HSD17B3: variants seen among roughly 807,000 people sequenced by gnomAD.
HSD17B3 encodes 17-beta-hydroxysteroid dehydrogenase type 3.
Under a neutral mutation model 41.1 loss-of-function variants are expected in HSD17B3, and 29 were observed. That is an observed-to-expected ratio of 0.71 (90% CI 0.53 to 0.96). The LOEUF is 0.96. Among genes scored for constraint, HSD17B3 ranks in the 40% least tolerant of loss-of-function variants. HSD17B3 has a pLI of 0.00. For missense variants in HSD17B3, 323 were observed against 374.6 expected (o/e 0.86, Z 1.14); for synonymous variants, 126 against 145.6 (o/e 0.87, Z 0.97).
chr9:96,295,120 C>A (rs1024489941), intron 2 of HSD17B3, among the ~76,000 whole-genome samples: 3 of 150,374 alleles, frequency 2.0e-5, no homozygotes, highest in Non-Finnish European at 4.4e-5. Flanking sequence ...GATTCTCCTG[C>A]CTCAGCCTCC....
intron 9 of HSD17B3, among the ~76,000 whole-genome samples, 198 bp downstream of exon 9, chr9:96,244,131 A>G (rs987730825): frequency 2.0e-5 from 3 of 152,214 alleles, no homozygotes; most frequent in Non-Finnish European, 4.4e-5. Flanking sequence ...CAGAAGCCAC[A>G]GCAGCAGGTG....
intron 2 of HSD17B3, among the ~76,000 whole-genome samples, chr9:96,280,879 G>A (rs762669281): frequency 6.6e-6 from 1 of 152,108 alleles, no homozygotes. Flanking sequence ...TCCCACCAGC[G>A]CCGTGACAGT....
intron 1 of HSD17B3, among the ~76,000 whole-genome samples, chr9:96,300,755 C>A (rs893696375): frequency 4.6e-5 from 7 of 152,122 alleles, no homozygotes; most frequent in Non-Finnish European, 7.3e-5. Context: ...TGAAGTTCTG[C>A]ATGGGCGTTC....
chr9:96,300,607 TTGTG>T (rs10545828), intron 1 of HSD17B3, among the ~76,000 whole-genome samples: 6,750 of 109,746 alleles, frequency 0.062, 1,074 homozygotes, highest in African/African-American at 0.19. Context: ...ATTGGATTCT[TTGTG>T]TGTGTGTGTG....
intron 5 of HSD17B3, chr9:96,249,987 T>A: frequency 1.4e-6 from 2 of 1,478,552 alleles, no homozygotes; most frequent in Non-Finnish European, 1.8e-6. Flanking sequence ...ATTCTGTCAT[T>A]CTGTACCCAC....
At chr9:96,243,504 T>C (rs1467142351) in intron 9 of HSD17B3, among the ~76,000 whole-genome samples, 2 of 152,230 alleles carry the variant, frequency 1.3e-5, no homozygotes, top group Admixed American at 1.3e-4. Flanking sequence ...GATATTTTAA[T>C]TGAAAATCAG....
At chr9:96,288,999 C>T (rs1379581826) in intron 2 of HSD17B3, among the ~76,000 whole-genome samples, 1 of 151,546 alleles carries the variant, frequency 6.6e-6, no homozygotes, top group African/African-American at 2.4e-5. Flanking sequence ...GTCCCAGCTG[C>T]TCAGGAGGCT....
intron 1 of HSD17B3, among the ~76,000 whole-genome samples, chr9:96,299,144 G>A (rs985239747): frequency 6.6e-6 from 1 of 152,066 alleles, no homozygotes; most frequent in Non-Finnish European, 1.5e-5. Context: ...TCTAGTATAC[G>A]CTTCATTCGT....
intron 10 of HSD17B3, among the ~76,000 whole-genome samples, chr9:96,240,172 T>C (rs555859884): frequency 6.6e-6 from 1 of 152,162 alleles, no homozygotes; most frequent in Non-Finnish European, 1.5e-5. Flanking sequence ...CAAACCACCA[T>C]GGCACATGTA....
At chr9:96,284,042 AC>A (rs1026367972) in intron 2 of HSD17B3, among the ~76,000 whole-genome samples, 2 of 151,738 alleles carry the variant, frequency 1.3e-5, no homozygotes, top group African/African-American at 4.8e-5. Context: ...ATATGGTGAA[AC>A]CCCATCTCTA....
At chr9:96,278,955 A>G (rs181982485) in intron 2 of HSD17B3, among the ~76,000 whole-genome samples, 9 of 152,158 alleles carry the variant, frequency 5.9e-5, no homozygotes, top group African/African-American at 2.2e-4. Flanking sequence ...CAGTCTACTA[A>G]ATGTCTTGCA....
At chr9:96,284,919 A>G (rs1256403275) in intron 2 of HSD17B3, among the ~76,000 whole-genome samples, 2 of 151,568 alleles carry the variant, frequency 1.3e-5, no homozygotes, top group Non-Finnish European at 2.9e-5. Context: ...GCTCACTGCA[A>G]CCTCTACCTC....
At chr9:96,256,503 CAAAT>C (rs567294814) in intron 2 of HSD17B3, among the ~76,000 whole-genome samples, 89 of 151,878 alleles carry the variant, frequency 5.9e-4, no homozygotes, top group African/African-American at 1.6e-3. Flanking sequence ...TAAAAATAAA[CAAAT>C]AAATAAATAA....
intron 2 of HSD17B3, among the ~76,000 whole-genome samples, chr9:96,288,861 C>T (rs1054646979): frequency 1.3e-5 from 2 of 151,772 alleles, no homozygotes; most frequent in African/African-American, 2.4e-5. Context: ...GGCGTGAACC[C>T]GGGAGGCGGA....
chr9:96,245,271 T>C, intron 8 of HSD17B3, 74 bp downstream of exon 8: 2 of 1,144,152 alleles, frequency 1.7e-6, no homozygotes, highest in Non-Finnish European at 2.7e-6. Context: ...ACTTGCCAGA[T>C]GATCAAAGGA....
chr9:96,250,154 G>C (rs911248486), intron 5 of HSD17B3: 21 of 1,240,252 alleles, frequency 1.7e-5, no homozygotes, highest in Admixed American at 1.4e-4. Flanking sequence ...AAAGACAAAT[G>C]GTTGTATAAT....
chr9:96,257,597 C>T, intron 2 of HSD17B3, among the ~76,000 whole-genome samples: 1 of 152,072 alleles, frequency 6.6e-6, no homozygotes. Flanking sequence ...CTCTAAGAAT[C>T]ATATCTATTT....
At chr9:96,280,252 G>C (rs1238442146) in intron 2 of HSD17B3, among the ~76,000 whole-genome samples, 1 of 152,218 alleles carries the variant, frequency 6.6e-6, no homozygotes, top group Admixed American at 6.5e-5. Context: ...GATTGGTTGG[G>C]AGACTTAGAA....
rs59947729 is a variant in HSD17B3, at chr9:96,269,909, G to GAAAAAAAAAAAAAAAAAAA, written c.202-14985_202-14967dup. ...ACAGAGTGAGAATCCATCTTAAAAA[G>GAAAAAAAAAAAAAAAAAAA]AAAAAAAAAAAAAAAAAAAAGCAGA... On this transcript the variant is annotated intron_variant, in intron 2 of 10. Transcript: ENST00000375263. Among the ~76,000 whole-genome samples, 8 of 103,882 alleles carry GAAAAAAAAAAAAAAAAAAA rather than the reference G, an allele frequency of 7.7e-5. 1 individual carries two copies. The highest frequency in any genetic ancestry group is 7.7e-5 in the Non-Finnish European group (4 of 51,850). The allele number at this position is 103,882 out of a possible 152,430, so 68.2% of individuals were successfully genotyped here.
Sources: gnomAD v4.1 joint callset for allele counts (sites outside exome capture counted in the v4.1 genomes callset) on GRCh38, gnomAD v4.1.1 for gene constraint, MANE v1.5 for transcripts, NCBI Gene and HGNC (gene_info 2026-07-23, HGNC 2026-07-21) for gene names.